AFM: variants seen among roughly 807,000 people sequenced by gnomAD.
The protein encoded by AFM is afamin.
Under a neutral mutation model 68.7 loss-of-function variants are expected in AFM, and 82 were observed. The ratio of observed to expected loss-of-function variants is 1.19; its 90% CI spans 1.00 to 1.43. The LOEUF (loss-of-function observed/expected upper bound fraction) is 1.43, where lower values mean the gene tolerates loss of function less well. Ranked by LOEUF, AFM falls within the 40% of genes most tolerant of loss-of-function variation. AFM has a pLI of 0.00. For synonymous variants in AFM, 250 were observed against 234.2 expected (o/e 1.07, Z -0.61); for missense variants, 772 against 701.8 (o/e 1.10, Z -1.13).
rs1720925225 is a variant in AFM, at chr4:73,487,177, G to A, written c.615+78G>A. On this transcript the variant is annotated intron_variant, in intron 5 of 14. Transcript: ENST00000226355. Reference sequence around the variant, plus strand: ...GATCCAGACCCTGACTTATATTATAGCAAAAGGCTTGCTTACCATATATGA... The same window carrying A: ...GATCCAGACCCTGACTTATATTATAACAAAAGGCTTGCTTACCATATATGA... The A allele has an allele frequency of 2.0e-6, 3 of 1,484,648 alleles. No individual in the cohort carries two copies. The Admixed American group carries it at 5.6e-5, about 28-fold the overall frequency. 92.0% of individuals were successfully genotyped at this position (1,484,648 alleles called of 1,614,324 possible).
At chr4:73,491,394 G>A (rs1256809840) in intron 7 of AFM, among the ~76,000 whole-genome samples, 2 of 152,164 alleles carry the variant, frequency 1.3e-5, no homozygotes, top group Admixed American at 1.3e-4. Flanking sequence ...GGTAGTTGCT[G>A]TAGTTCACTC....
intron 8 of AFM, among the ~76,000 whole-genome samples, chr4:73,493,981 G>A (rs1196730707): frequency 6.6e-6 from 1 of 152,098 alleles, no homozygotes; most frequent in Admixed American, 6.6e-5. Context: ...GAACATTTTA[G>A]GCAAGTCCTC....
chr4:73,484,479 T>TTTC, intron 3 of AFM, 89 bp downstream of exon 3: 1 of 657,234 alleles, frequency 1.5e-6, no homozygotes, highest in Middle Eastern at 3.3e-4. Context: ...TCTTTCTTTC[T>TTTC]TTCTTTCTTT....
At chr4:73,487,239 G>C (rs1421111638) in intron 5 of AFM, 140 bp downstream of exon 5, 13 of 886,008 alleles carry the variant, frequency 1.5e-5, no homozygotes, top group Non-Finnish European at 2.2e-5. Context: ...TCAAACCATT[G>C]GTCACCAGGT....
chr4:73,491,868 A>G lies in AFM; in HGVS notation c.844-4A>G, dbSNP rs2149344768. 6.2e-7 allele frequency: 1 copy of G among 1,610,300 alleles called. No homozygotes were observed. Among genetic ancestry groups the G allele is most frequent in the East Asian group, 2.2e-5 (1 of 44,800 alleles). On this transcript the variant is annotated splice_region_variant and splice_polypyrimidine_tract_variant and intron_variant, in intron 7 of 14. Transcript: ENST00000226355. ...AAATAATCTCTCATTCTTATTTGGT[A>G]CAGAGCAAGGTTATGAACCATATTT...
intron 1 of AFM, among the ~76,000 whole-genome samples, chr4:73,482,603 C>G (rs1045951667): frequency 4.6e-5 from 7 of 152,198 alleles, no homozygotes; most frequent in African/African-American, 1.7e-4. Context: ...CCTTTTCCCT[C>G]GTAACAACCT....
At chr4:73,487,919 A>C in intron 6 of AFM, 98 bp downstream of exon 6, 1 of 809,076 alleles carries the variant, frequency 1.2e-6, no homozygotes, top group Non-Finnish European at 2.0e-6. Flanking sequence ...TATTCTTCCT[A>C]GTACCTAGGG....
At chr4:73,493,915 A>C (rs1721172871) in intron 8 of AFM, among the ~76,000 whole-genome samples, 1 of 152,238 alleles carries the variant, frequency 6.6e-6, no homozygotes, top group African/African-American at 2.4e-5. Context: ...ATAGAGTAAC[A>C]GTGAGCACAC....
rs1000594009 is a variant in AFM, at chr4:73,487,175, T to C, written c.615+76T>C. 4 of 1,494,002 alleles carry C rather than the reference T, an allele frequency of 2.7e-6. No individual in the cohort carries two copies. The South Asian group carries it at 3.7e-5, about 14-fold the overall frequency. The allele number at this position is 1,494,002 out of a possible 1,614,324, so 92.5% of individuals were successfully genotyped here. On this transcript the variant is annotated intron_variant, in intron 5 of 14. Transcript: ENST00000226355. ...CAGATCCAGACCCTGACTTATATTA[T>C]AGCAAAAGGCTTGCTTACCATATAT...
intron 2 of AFM, 125 bp from the exon 3 acceptor site, chr4:73,484,133 T>TA: frequency 7.0e-7 from 1 of 1,419,974 alleles, no homozygotes; most frequent in Non-Finnish European, 9.4e-7. Flanking sequence ...AAAGAAGTTG[T>TA]AAAATTTATA....
intron 9 of AFM, among the ~76,000 whole-genome samples, chr4:73,495,952 G>A (rs977941541): frequency 1.1e-4 from 16 of 152,248 alleles, no homozygotes; most frequent in African/African-American, 3.8e-4. Flanking sequence ...GTATATATAC[G>A]TGTATTTTAA....
intron 14 of AFM, among the ~76,000 whole-genome samples, chr4:73,503,314 G>T (rs1721468962): frequency 6.6e-6 from 1 of 152,080 alleles, no homozygotes; most frequent in South Asian, 2.1e-4. Context: ...CTGCATTTGT[G>T]CTTGCCCTTC....
chr4:73,495,180 A>G, intron 8 of AFM, 120 bp from the exon 9 acceptor site: 1 of 899,428 alleles, frequency 1.1e-6, no homozygotes, highest in Non-Finnish European at 1.6e-6. Context: ...ACCAAGACAG[A>G]GGAGAAAATT....
rs1317558882 is a variant in AFM, at chr4:73,491,915, C to T, written c.887C>T (p.Ser296Phe). ...NHICSKQDSI[S>F]SKIKECCEKK... The stretch of plus-strand genomic sequence containing the variant: ...ATTTGTTCAAAACAAGATTCTATCT[C>T]CAGCAAAATCAAAGAGTGCTGTGAA... Residue 296 changes from serine (S) to phenylalanine (F), a missense_variant, in exon 8 of 15, where the codon TCC (serine) becomes TTC (phenylalanine). Physicochemically the swap from Ser to Phe is radical, Grantham distance 155. Transcript: ENST00000226355. The T allele has an allele frequency of 6.2e-7, 1 of 1,613,794 alleles. No individual in the cohort carries two copies. Among genetic ancestry groups the T allele is most frequent in the East Asian group, 2.2e-5 (1 of 44,854 alleles).
intron 3 of AFM, among the ~76,000 whole-genome samples, chr4:73,485,608 G>GGAAGAGGAAGAAGAAGAAGAAAAA (rs1720872735): frequency 6.8e-6 from 1 of 146,278 alleles, no homozygotes; most frequent in African/African-American, 2.5e-5. Flanking sequence ...AAGAGGAAGA[G>GGAAGAGGAAGAAGAAGAAGAAAAA]GAAGAGGAAG....
At chr4:73,484,124 A>C in intron 2 of AFM, 134 bp from the exon 3 acceptor site, 2 of 1,399,862 alleles carry the variant, frequency 1.4e-6, no homozygotes, top group Non-Finnish European at 1.9e-6. Flanking sequence ...AATTCAGGCA[A>C]AGAAGTTGTA....
intron 9 of AFM, 95 bp from the exon 10 acceptor site, chr4:73,497,557 C>T: frequency 1.4e-6 from 1 of 705,702 alleles, no homozygotes; most frequent in Non-Finnish European, 2.1e-6. Flanking sequence ...TTGAAAATAC[C>T]ATAGAAATAA....
At chr4:73,499,004 G>A (rs1295124727) in intron 10 of AFM, 110 bp from the exon 11 acceptor site, 1 of 1,089,152 alleles carries the variant, frequency 9.2e-7, no homozygotes, top group Non-Finnish European at 1.3e-6. Context: ...GGTTCATGTT[G>A]CACCTATATT....
chr4:73,496,892 T>G (rs1721274479), intron 9 of AFM, among the ~76,000 whole-genome samples: 1 of 152,220 alleles, frequency 6.6e-6, no homozygotes, highest in Admixed American at 6.5e-5. Context: ...GCAAAACATT[T>G]TTTTTCACTT....
Sources: allele counts gnomAD v4.1 joint callset (sites outside exome capture counted in the v4.1 genomes callset), GRCh38; gene constraint gnomAD v4.1.1; transcripts MANE v1.5; gene names NCBI Gene and HGNC (gene_info 2026-07-23, HGNC 2026-07-21).